Variants in MYLK observed in about 807,000 individuals in gnomAD.
MYLK encodes myosin light chain kinase.
A neutral mutation model predicts 203.4 loss-of-function variants in MYLK; 106 were observed. The ratio of observed to expected loss-of-function variants is 0.52; its 90% CI spans 0.45 to 0.61. The LOEUF is 0.61. Among genes scored for constraint, MYLK ranks in the 20% least tolerant of loss-of-function variants. MYLK has a pLI of 0.00. For missense variants in MYLK, 2,072 were observed against 2,442.3 expected (o/e 0.85, Z 3.20); for synonymous variants, 867 against 959.5 (o/e 0.90, Z 1.78).
chr3:123,698,587 G>T (rs73860124), intron 18 of MYLK, among the ~76,000 whole-genome samples: 103 of 152,284 alleles, frequency 6.8e-4, no homozygotes, highest in African/African-American at 2.5e-3. Context: ...AGGGGAGGGG[G>T]GCTGAGCCAG....
chr3:123,717,418 G>C (rs534348352), intron 13 of MYLK, among the ~76,000 whole-genome samples: 74 of 152,292 alleles, frequency 4.9e-4, no homozygotes, highest in East Asian at 1.9e-3. Context: ...TTCTAGAGAT[G>C]ATCTTTTCAT....
chr3:123,736,294 T>C (rs924028693), intron 8 of MYLK, among the ~76,000 whole-genome samples: 5 of 152,282 alleles, frequency 3.3e-5, no homozygotes, highest in South Asian at 2.1e-4. Context: ...TTTCTGTAGA[T>C]TGTGAAAAAT....
chr3:123,873,582 A>G (rs2032946983), intron 2 of MYLK, among the ~76,000 whole-genome samples: 2 of 152,216 alleles, frequency 1.3e-5, no homozygotes, highest in African/African-American at 2.4e-5. Flanking sequence ...CTAATAAGTC[A>G]GTTTAGAAAA....
chr3:123,692,341 C>G, intron 19 of MYLK: 2 of 1,169,452 alleles, frequency 1.7e-6, no homozygotes, highest in Non-Finnish European at 2.1e-6. Flanking sequence ...CACGGCTGAC[C>G]CTGCTGGGTC....
intron 19 of MYLK, chr3:123,689,643 T>G (rs373879326): frequency 1.3e-5 from 2 of 152,236 alleles, no homozygotes; most frequent in African/African-American, 4.8e-5. Context: ...AACTGTTGCA[T>G]AGACTGAAAA....
intron 29 of MYLK, among the ~76,000 whole-genome samples, chr3:123,633,027 C>T (rs1416460672): frequency 2.0e-5 from 3 of 152,016 alleles, no homozygotes; most frequent in African/African-American, 7.2e-5. Context: ...AATTCCTGAG[C>T]TTAAGCAATC....
rs2064478801 is a variant in MYLK, at chr3:123,785,515, C to T, written c.165+8162G>A. On this transcript the variant is annotated intron_variant, in intron 4 of 33. Coordinates refer to ENST00000360304, the MANE Select transcript of MYLK (RefSeq NM_053025.4). ...AGCATTCTACAATGAAGATGAAGGA[C>T]AAAGATTCTCTCATCAACAGATCAC... is the stretch of plus-strand genomic sequence containing the variant. Among the ~76,000 whole-genome samples the T allele has an allele frequency of 2.0e-5, 3 of 152,204 alleles. No individual in the cohort carries two copies. The South Asian group carries it at 6.2e-4, about 31-fold the overall frequency.
chr3:123,743,044 G>T (rs1006512031), intron 5 of MYLK, among the ~76,000 whole-genome samples: 3 of 152,132 alleles, frequency 2.0e-5, no homozygotes, highest in African/African-American at 7.2e-5. Context: ...GAATGAGATA[G>T]CAGTGATGGC....
chr3:123,622,596 G>C (rs771543314), intron 31 of MYLK: 3 of 152,198 alleles, frequency 2.0e-5, no homozygotes, highest in Non-Finnish European at 4.4e-5. Flanking sequence ...GGAAACAAAA[G>C]AGTTATAGTA....
At chr3:123,858,972 T>C (rs2148683499) in intron 2 of MYLK, among the ~76,000 whole-genome samples, 1 of 152,318 alleles carries the variant, frequency 6.6e-6, no homozygotes, top group Middle Eastern at 3.4e-3. Context: ...TATTTATTAT[T>C]GAAATTGAAA....
intron 16 of MYLK, among the ~76,000 whole-genome samples, chr3:123,706,148 G>A (rs1454180056): frequency 6.6e-6 from 1 of 152,178 alleles, no homozygotes; most frequent in Non-Finnish European, 1.5e-5. Flanking sequence ...GCTGAGATTA[G>A]CCTTGCCTAA....
intron 1 of MYLK, among the ~76,000 whole-genome samples, 158 bp downstream of exon 1, chr3:123,884,048 C>G (rs1460308499): frequency 6.6e-6 from 1 of 152,148 alleles, no homozygotes; most frequent in South Asian, 2.1e-4. Flanking sequence ...CGTCTCCTTA[C>G]GCCCCTGACT....
At chr3:123,809,252 T>G (rs1411643310) in intron 3 of MYLK, among the ~76,000 whole-genome samples, 1 of 152,052 alleles carries the variant, frequency 6.6e-6, no homozygotes, top group Non-Finnish European at 1.5e-5. Context: ...AGGCCAGGCG[T>G]GGTGGCTCAC....
At chr3:123,745,938 A>G (rs1388998814) in intron 5 of MYLK, among the ~76,000 whole-genome samples, 1 of 151,928 alleles carries the variant, frequency 6.6e-6, no homozygotes, top group Non-Finnish European at 1.5e-5. Context: ...GCTCACTGCA[A>G]CCTCCTCATG....
chr3:123,675,019 G>T (rs1242936314), intron 20 of MYLK, among the ~76,000 whole-genome samples: 3 of 152,244 alleles, frequency 2.0e-5, no homozygotes, highest in African/African-American at 7.2e-5. Flanking sequence ...GCCATTAAAG[G>T]AATGAGTGAA....
chr3:123,751,554 A>T (rs1365612725), intron 5 of MYLK, among the ~76,000 whole-genome samples: 1 of 152,222 alleles, frequency 6.6e-6, no homozygotes, highest in Non-Finnish European at 1.5e-5. Context: ...ATGACGCTAA[A>T]GATGATGTTA....
chr3:123,722,070 C>T (rs746725664), intron 13 of MYLK, 58 bp downstream of exon 13: 219 of 1,547,954 alleles, frequency 1.4e-4, no homozygotes, highest in Non-Finnish European at 1.8e-4. Context: ...TGCCCTTCCT[C>T]CAAAGCAGAA....
At chr3:123,637,192 A>G (rs1334395999) in intron 29 of MYLK, among the ~76,000 whole-genome samples, 1 of 152,226 alleles carries the variant, frequency 6.6e-6, no homozygotes, top group Non-Finnish European at 1.5e-5. Context: ...CCATAACTGC[A>G]TGTGGCCACA....
intron 2 of MYLK, among the ~76,000 whole-genome samples, chr3:123,849,963 A>C (rs1329627443): frequency 6.6e-6 from 1 of 152,146 alleles, no homozygotes; most frequent in Non-Finnish European, 1.5e-5. Flanking sequence ...CTCATTGTTC[A>C]ATTCCCACCT....
Sources: allele counts gnomAD v4.1 joint callset (sites outside exome capture counted in the v4.1 genomes callset), GRCh38; gene constraint gnomAD v4.1.1; transcripts MANE v1.5; gene names NCBI Gene and HGNC (gene_info 2026-07-23, HGNC 2026-07-21).